The following SYT6 variants were observed in gnomAD, a reference collection of about 807,000 sequenced individuals.
The protein encoded by SYT6 is synaptotagmin 6.
In SYT6, 24 loss-of-function variants were observed where a neutral mutation model predicts 38.4. That is an observed-to-expected ratio of 0.62 (90% confidence interval 0.45 to 0.88). The LOEUF (loss-of-function observed/expected upper bound fraction) is 0.88, where lower values mean the gene tolerates loss of function less well. Ranked by LOEUF, SYT6 falls within the 40% of genes least tolerant of loss-of-function variation. The pLI is 0.00. For synonymous variants in SYT6, 265 were observed against 241.9 expected, an observed-to-expected ratio of 1.10 and a Z score of -0.89; for missense variants, 611 against 621.0, an observed-to-expected ratio of 0.98 and a Z score of 0.17.
At chr1:114,098,992 A>G in intron 5 of SYT6, 102 bp downstream of exon 5, 1 of 1,260,720 alleles carries the variant, frequency 7.9e-7, no homozygotes, top group Non-Finnish European at 1.1e-6. Flanking sequence ...CTGAACCCTA[A>G]AGCTGAGCCC....
At chr1:114,093,885 G>T in intron 6 of SYT6, 82 bp from the exon 7 acceptor site, 3 of 1,298,360 alleles carry the variant, frequency 2.3e-6, no homozygotes, top group Non-Finnish European at 3.4e-6. Context: ...TAACCAGAAG[G>T]TGACAACACA....
chr1:114,145,502 GTTTTT>G (rs752982644), intron 1 of SYT6, among the ~76,000 whole-genome samples: 3 of 111,628 alleles, frequency 2.7e-5, no homozygotes, highest in African/African-American at 3.7e-5. Context: ...GAGGTATTAA[GTTTTT>G]TTTTTTTTTT....
At chr1:114,105,609 C>G (rs561018039) in intron 3 of SYT6, among the ~76,000 whole-genome samples, 4 of 152,272 alleles carry the variant, frequency 2.6e-5, no homozygotes, top group African/African-American at 9.6e-5. Flanking sequence ...CATCCCACAC[C>G]AGCCCCTGTG....
At chr1:114,135,336 G>A (rs1364480139) in intron 3 of SYT6, among the ~76,000 whole-genome samples, 4 of 152,094 alleles carry the variant, frequency 2.6e-5, no homozygotes, top group South Asian at 2.1e-4. Flanking sequence ...CCAGAGGATC[G>A]TATTTGCTGC....
intron 3 of SYT6, among the ~76,000 whole-genome samples, chr1:114,104,392 C>T (rs549333724): frequency 1.3e-5 from 2 of 152,352 alleles, no homozygotes; most frequent in South Asian, 2.1e-4. Flanking sequence ...TGCTGCCTCT[C>T]CTAACCCCAG....
At position 114,091,742 on chromosome 1, in the gene SYT6, A is replaced by G; in HGVS notation, c.*392T>C. The stretch of plus-strand genomic sequence containing the variant: ...GGCTTTCCACCCTTTGTCTTTTCCT[A>G]CTCTTTTTTTTTTTCCCTTTTCTTA... On this transcript the variant is annotated 3_prime_UTR_variant, in exon 8 of 8. Coordinates refer to ENST00000610222, the MANE Select transcript of SYT6 (RefSeq NM_001253772.2). 1 of 249,714 alleles carries G rather than the reference A, an allele frequency of 4.0e-6. No homozygotes were observed. Among genetic ancestry groups the G allele is most frequent in the Non-Finnish European group, 6.4e-6 (1 of 155,640 alleles). The allele number at this position is 249,714 out of a possible 1,614,324, so 15.5% of individuals were successfully genotyped here.
chr1:114,142,603 A>G (rs1302707782), intron 1 of SYT6, among the ~76,000 whole-genome samples: 1 of 152,230 alleles, frequency 6.6e-6, no homozygotes, highest in Non-Finnish European at 1.5e-5. Flanking sequence ...AAGTTCTACT[A>G]TGGATAAAAT....
intron 7 of SYT6, among the ~76,000 whole-genome samples, chr1:114,092,320 C>T (rs1675356056): frequency 7.0e-6 from 1 of 142,934 alleles, no homozygotes; most frequent in South Asian, 2.7e-4. Flanking sequence ...AACTCTCTCT[C>T]TCTCTCTCTC....
At chr1:114,100,692 G>A (rs964351129) in intron 4 of SYT6, among the ~76,000 whole-genome samples, 2 of 152,228 alleles carry the variant, frequency 1.3e-5, no homozygotes, top group African/African-American at 2.4e-5. Flanking sequence ...TAAAATGGAA[G>A]TAAGAGTTTT....
intron 3 of SYT6, among the ~76,000 whole-genome samples, chr1:114,115,654 A>T (rs899253780): frequency 2.6e-5 from 4 of 152,026 alleles, no homozygotes; most frequent in Admixed American, 2.0e-4. Context: ...CGACTTCATG[A>T]TCTGCCCGCC....
chr1:114,139,644 C>A lies in SYT6; in HGVS notation c.483G>T (p.Arg161=), dbSNP rs771879769. The change falls in exon 2 of 8, where the codon CGG becomes CGT. Residue 161 remains arginine (R), a synonymous_variant. Transcript: ENST00000610222. ...TGGATGACGCTGGCTCTGTAGTTTGCCGCTGCAGCCGGGTGTGACGCATGA... is the reference window on the plus strand; with the variant it reads ...TGGATGACGCTGGCTCTGTAGTTTGACGCTGCAGCCGGGTGTGACGCATGA... ...EHIMRHTRLQ[R]QTTEPASSTR... is the part of the protein sequence containing the mutation. 6.2e-7 allele frequency: 1 copy of A among 1,614,122 alleles called. No homozygotes were observed. The highest frequency in any genetic ancestry group is 8.5e-7 in the Non-Finnish European group (1 of 1,180,028).
In SYT6 at chr1:114,103,595, A is replaced by C. The variant is rs1292950571; in HGVS notation, c.1192+6T>G. ...GCTGGCAGGCCACTTGGGTTAAGAG[A>C]GGTACCTGAATAGCCTGTGATGTCC... On this transcript the variant is annotated splice_donor_region_variant and intron_variant, in intron 4 of 7. Transcript: ENST00000610222. 6.2e-7 allele frequency: 1 copy of C among 1,613,934 alleles called. No individual in the cohort carries two copies. Among genetic ancestry groups the C allele is most frequent in the Admixed American group, 1.7e-5 (1 of 59,998 alleles).
chr1:114,133,710 C>T (rs143035313), intron 3 of SYT6, among the ~76,000 whole-genome samples: 42 of 152,334 alleles, frequency 2.8e-4, no homozygotes, highest in African/African-American at 8.9e-4. Context: ...ATGCAATGCA[C>T]GAGGCCTCCG....
chr1:114,119,251 G>A (rs1677222746), intron 3 of SYT6, among the ~76,000 whole-genome samples: 1 of 152,134 alleles, frequency 6.6e-6, no homozygotes, highest in South Asian at 2.1e-4. Context: ...GAGTTTTCCA[G>A]CTCCCAGGCT....
intron 5 of SYT6, among the ~76,000 whole-genome samples, chr1:114,098,430 T>G (rs1675776584): frequency 6.6e-6 from 1 of 152,210 alleles, no homozygotes; most frequent in Non-Finnish European, 1.5e-5. Flanking sequence ...GAAGAAGTTA[T>G]GGGGACCAGA....
intron 4 of SYT6, among the ~76,000 whole-genome samples, chr1:114,102,136 G>A (rs1676009007): frequency 6.6e-6 from 1 of 152,166 alleles, no homozygotes. Context: ...AAGATAGTGT[G>A]GGGACTTAGG....
At chr1:114,109,982 C>T (rs1164658505) in intron 3 of SYT6, among the ~76,000 whole-genome samples, 2 of 152,216 alleles carry the variant, frequency 1.3e-5, no homozygotes, top group Non-Finnish European at 2.9e-5. Flanking sequence ...ATGAGAGGTT[C>T]CCTGTGGCTG....
At chr1:114,124,984 C>T (rs1235811723) in intron 3 of SYT6, among the ~76,000 whole-genome samples, 1 of 152,168 alleles carries the variant, frequency 6.6e-6, no homozygotes, top group South Asian at 2.1e-4. Context: ...ACACAGGAGG[C>T]CAAGAAGCTC....
chr1:114,147,737 C>A (rs2101121623), intron 1 of SYT6, among the ~76,000 whole-genome samples: 1 of 152,342 alleles, frequency 6.6e-6, no homozygotes, highest in Middle Eastern at 3.4e-3. Context: ...CTGTCCAAAT[C>A]TTAGTTTTCT....
Sources: gnomAD v4.1 joint callset for allele counts (sites outside exome capture counted in the v4.1 genomes callset) on GRCh38, gnomAD v4.1.1 for gene constraint, MANE v1.5 for transcripts, NCBI Gene and HGNC (gene_info 2026-07-23, HGNC 2026-07-21) for gene names.